NKIRAS1: variants seen among roughly 807,000 people sequenced by gnomAD.
NKIRAS1 encodes the protein NF-kappa-B inhibitor-interacting Ras-like protein 1.
A neutral mutation model predicts 19.8 loss-of-function variants in NKIRAS1; 16 were observed. The ratio of observed to expected loss-of-function variants is 0.81; its 90% CI spans 0.55 to 1.23. NKIRAS1 has a LOEUF of 1.23. Among genes scored for constraint, NKIRAS1 ranks in the 50% most tolerant of loss-of-function variants. The probability of loss-of-function intolerance (pLI) is 0.00; values close to 1 mark genes in which losing one functional copy is unlikely to be tolerated. For synonymous variants in NKIRAS1, 88 were observed against 79.0 expected, an observed-to-expected ratio of 1.11 and a Z score of -0.61; for missense variants, 184 against 220.0, an observed-to-expected ratio of 0.84 and a Z score of 1.04.
chr3:23,945,823 CG>C (rs1228734399), intron 1 of NKIRAS1, among the ~76,000 whole-genome samples: 7 of 150,608 alleles, frequency 4.6e-5, no homozygotes, highest in African/African-American at 1.7e-4. Context: ...GCGCCCGGCC[CG>C]GCCCCCCCCT....
intron 1 of NKIRAS1, among the ~76,000 whole-genome samples, chr3:23,932,377 A>T (rs1489553094): frequency 6.6e-6 from 1 of 152,224 alleles, no homozygotes; most frequent in Non-Finnish European, 1.5e-5. Flanking sequence ...CTAACAAATT[A>T]ATCTCGCATA....
At chr3:23,943,741 T>A (rs1464875057) in intron 1 of NKIRAS1, among the ~76,000 whole-genome samples, 1 of 152,152 alleles carries the variant, frequency 6.6e-6, no homozygotes, top group Non-Finnish European at 1.5e-5. Flanking sequence ...CAGCATCACA[T>A]GAGGGTGATA....
intron 4 of NKIRAS1, among the ~76,000 whole-genome samples, chr3:23,899,963 A>C (rs186787225): frequency 6.6e-6 from 1 of 152,248 alleles, no homozygotes; most frequent in East Asian, 1.9e-4. Flanking sequence ...GGAGATCGAG[A>C]CCATCCTGGC....
chr3:23,896,545 G>A lies in NKIRAS1; in HGVS notation c.337-3208C>T, dbSNP rs150894163. Among the ~76,000 whole-genome samples, 431 of 151,864 alleles carry A rather than the reference G, an allele frequency of 2.8e-3. 13 individuals carry two copies. The South Asian group carries it at 0.042, about 15-fold the overall frequency. On this transcript the variant is annotated intron_variant, in intron 4 of 4. Coordinates refer to ENST00000425478, the MANE Select transcript of NKIRAS1 (RefSeq NM_020345.4). ...GGAAAATCGCTTGAACCTGGGAGGCGGAGGTTGCTGTGGGCTGAGATCATG... is the reference window on the plus strand; with the variant it reads ...GGAAAATCGCTTGAACCTGGGAGGCAGAGGTTGCTGTGGGCTGAGATCATG...
rs201645947 is a variant in NKIRAS1, at chr3:23,939,382, TAAC to T, written c.-140+6938_-140+6940del. On this transcript the variant is annotated intron_variant, in intron 1 of 4. Coordinates refer to the NKIRAS1 transcript ENST00000421515. ...CAAAAAATTAGGCCATTGAAAAAGT[TAAC>T]AAAGTAAATAAAAGTTTTGTAGGAC... Among the ~76,000 whole-genome samples the T allele has an allele frequency of 8.1e-3, 1,239 of 152,310 alleles. 13 individuals carry two copies. The highest frequency in any genetic ancestry group is 0.028 in the African/African-American group (1,167 of 41,562).
intron 3 of NKIRAS1, 108 bp from the exon 4 acceptor site, chr3:23,901,157 T>A: frequency 2.6e-6 from 3 of 1,137,070 alleles, no homozygotes; most frequent in African/African-American, 1.6e-5. Flanking sequence ...TTACCACATA[T>A]AATAATCACA....
intron 1 of NKIRAS1, chr3:23,945,717 C>A: frequency 1.6e-6 from 1 of 632,738 alleles, no homozygotes; most frequent in Non-Finnish European, 2.1e-6. Flanking sequence ...GGCTGCTGCG[C>A]GCCGCGTGTC....
At chr3:23,931,842 A>G (rs563592033) in intron 1 of NKIRAS1, among the ~76,000 whole-genome samples, 1 of 152,126 alleles carries the variant, frequency 6.6e-6, no homozygotes, top group Non-Finnish European at 1.5e-5. Flanking sequence ...GAAACTCGGC[A>G]TTGGCTGTCA....
At chr3:23,928,498 T>G (rs1377356156) in intron 1 of NKIRAS1, among the ~76,000 whole-genome samples, 1 of 151,876 alleles carries the variant, frequency 6.6e-6, no homozygotes, top group Admixed American at 6.6e-5. Context: ...CTGTTGCATC[T>G]TGAAAAAAAT....
chr3:23,900,432 C>T lies in NKIRAS1; in HGVS notation c.336+376G>A, dbSNP rs980726637. The stretch of plus-strand genomic sequence containing the variant: ...GGCAAAGCACTTGAGGTTAGGAGTT[C>T]AAGACCAGCCTGGCCAACGCGGTAA... On this transcript the variant is annotated intron_variant, in intron 4 of 4. Coordinates refer to ENST00000425478, the MANE Select transcript of NKIRAS1 (RefSeq NM_020345.4). Among the ~76,000 whole-genome samples the T allele has an allele frequency of 2.0e-5, 3 of 152,086 alleles. No homozygotes were observed. In the East Asian group the frequency reaches 5.8e-4, roughly 30 times the overall value.
At chr3:23,932,526 T>TA (rs1249468077) in intron 1 of NKIRAS1, among the ~76,000 whole-genome samples, 1 of 151,714 alleles carries the variant, frequency 6.6e-6, no homozygotes, top group African/African-American at 2.4e-5. Context: ...CCATCTCTAC[T>TA]AAAAAAACAA....
At position 23,890,685 on chromosome 3, in the gene NKIRAS1, T is replaced by G. The variant is rs2125336710; in HGVS notation, c.*2410A>C. The G allele has an allele frequency of 2.4e-5, 25 of 1,025,804 alleles. No homozygotes were observed. The highest frequency in any genetic ancestry group is 3.2e-5 in the Non-Finnish European group (22 of 691,674). The allele number at this position is 1,025,804 out of a possible 1,614,324, so 63.5% of individuals were successfully genotyped here. A position where few individuals can be genotyped will look rare whatever the true frequency, so the allele number is the denominator to read the frequency against. On this transcript the variant is annotated 3_prime_UTR_variant, in exon 5 of 5. Coordinates refer to ENST00000425478, the MANE Select transcript of NKIRAS1 (RefSeq NM_020345.4). ...ATGATTTTGAAGGGGTCAGGGAGGG[T>G]GGGAGTTGGTAAAGAGTAGGGTATT...
chr3:23,894,958 G>A (rs1701836538), intron 4 of NKIRAS1, among the ~76,000 whole-genome samples: 1 of 152,144 alleles, frequency 6.6e-6, no homozygotes, highest in African/African-American at 2.4e-5. Context: ...CCAGTAACCT[G>A]GTCTCTTATT....
upstream of NKIRAS1, chr3:23,919,910 G>T: frequency 1.6e-5 from 16 of 991,526 alleles, no homozygotes; most frequent in Middle Eastern, 1.6e-3. Flanking sequence ...AGTTTGGCAG[G>T]TGTAGACTTT....
chr3:23,928,460 G>T (rs762512541), intron 1 of NKIRAS1, among the ~76,000 whole-genome samples: 2 of 151,768 alleles, frequency 1.3e-5, no homozygotes, highest in African/African-American at 4.8e-5. Context: ...TATGTGTCAT[G>T]TTTGGCTTGT....
chr3:23,906,738 G>C (rs1703103606), intron 3 of NKIRAS1, among the ~76,000 whole-genome samples: 1 of 151,696 alleles, frequency 6.6e-6, no homozygotes, highest in African/African-American at 2.4e-5. Context: ...TCCAGTCTGG[G>C]AGACACAGAT....
At chr3:23,920,581 G>C, upstream of NKIRAS1, 1 of 985,282 alleles carries the variant, frequency 1.0e-6, no homozygotes, top group Non-Finnish European at 1.2e-6. Context: ...TGAGTGTAAA[G>C]AAAATGTAGA....
At chr3:23,917,515 C>T (rs532533815), upstream of NKIRAS1, 43 of 212,408 alleles carry the variant, frequency 2.0e-4, no homozygotes, top group Non-Finnish European at 2.7e-4. Context: ...GCAGCAGTAC[C>T]TTGTCCTGTG....
Position 23,926,242 on chromosome 3 carries a change from G to C in NKIRAS1, c.-139-14792C>G, listed in dbSNP as rs1056851639. On this transcript the variant is annotated intron_variant, in intron 1 of 4. Coordinates refer to the NKIRAS1 transcript ENST00000421515. This position sits in a 1 kb window ranked among gnomAD's most constrained non-coding sequence, Gnocchi z 4.3. ...AATTTTTGTGTTTTTAGTAGAGACA[G>C]GGTTTCGCCGTGTTGGCCAGGCTGG... 4.6e-5 allele frequency among the ~76,000 whole-genome samples: 7 copies of C among 152,086 alleles called. No individual in the cohort carries two copies. Among genetic ancestry groups the C allele is most frequent in the African/African-American group, 1.4e-4 (6 of 41,410 alleles).
Sources: allele counts gnomAD v4.1 joint callset (sites outside exome capture counted in the v4.1 genomes callset), GRCh38; gene constraint gnomAD v4.1.1; non-coding constraint Gnocchi (gnomAD v3.1); transcripts MANE v1.5; gene names NCBI Gene and HGNC (gene_info 2026-07-23, HGNC 2026-07-21).